ALK: variants seen among roughly 807,000 people sequenced by gnomAD.
ALK encodes the protein ALK receptor tyrosine kinase.
ALK carries 74 observed loss-of-function variants against 163.1 expected under a neutral mutation model. That is an observed-to-expected ratio of 0.45 (90% CI 0.38 to 0.55). The LOEUF (loss-of-function observed/expected upper bound fraction) is 0.55, where lower values mean the gene tolerates loss of function less well. Ranked by LOEUF, ALK falls within the 20% of genes least tolerant of loss-of-function variation. ALK has a pLI of 0.00. For synonymous variants in ALK, 960 were observed against 843.2 expected, an observed-to-expected ratio of 1.14 and a Z score of -2.40; for missense variants, 2,063 against 2,105.3, an observed-to-expected ratio of 0.98 and a Z score of 0.39.
At chr2:29,257,176 C>T (rs569537600) in intron 11 of ALK, among the ~76,000 whole-genome samples, 32 of 151,966 alleles carry the variant, frequency 2.1e-4, no homozygotes, top group Admixed American at 1.5e-3. Context: ...AGAGGAGGGA[C>T]GTCACCTGCC....
chr2:29,252,174 C>A (rs1339120095), intron 11 of ALK, among the ~76,000 whole-genome samples: 2 of 145,390 alleles, frequency 1.4e-5, no homozygotes, highest in African/African-American at 5.0e-5. Flanking sequence ...AACTGCACCC[C>A]CCCACCCCCC....
At chr2:29,767,428 A>C (rs1680894362) in intron 1 of ALK, among the ~76,000 whole-genome samples, 1 of 152,184 alleles carries the variant, frequency 6.6e-6, no homozygotes, top group African/African-American at 2.4e-5. Flanking sequence ...AAAAATGAAA[A>C]ATCTCATGTC....
chr2:29,783,377 A>G (rs528761822), intron 1 of ALK, among the ~76,000 whole-genome samples: 3 of 152,326 alleles, frequency 2.0e-5, no homozygotes, highest in East Asian at 1.9e-4. Flanking sequence ...GGACCAAGAA[A>G]AGAGAACACA....
At chr2:29,884,605 T>C (rs1666944805) in intron 1 of ALK, among the ~76,000 whole-genome samples, 1 of 152,190 alleles carries the variant, frequency 6.6e-6, no homozygotes, top group Admixed American at 6.5e-5. Context: ...GCCATACCTA[T>C]AGAGTCTAAT....
intron 4 of ALK, among the ~76,000 whole-genome samples, chr2:29,504,275 G>A (rs544893313): frequency 2.0e-5 from 3 of 152,256 alleles, no homozygotes; most frequent in Admixed American, 6.5e-5. Flanking sequence ...GTGAGAGAAG[G>A]TCAGAGAGGT....
intron 1 of ALK, among the ~76,000 whole-genome samples, chr2:29,918,228 C>G (rs1335210007): frequency 6.6e-6 from 1 of 152,208 alleles, no homozygotes; most frequent in African/African-American, 2.4e-5. Context: ...CTGACAACAG[C>G]TGATACAGAC....
chr2:29,816,367 G>A (rs140094970), intron 1 of ALK, among the ~76,000 whole-genome samples: 5 of 152,170 alleles, frequency 3.3e-5, no homozygotes, highest in East Asian at 1.9e-4. Context: ...TTGTTGCATC[G>A]ATGAGATACT....
chr2:29,457,482 G>A (rs1670984092), intron 4 of ALK, among the ~76,000 whole-genome samples: 1 of 152,086 alleles, frequency 6.6e-6, no homozygotes, highest in African/African-American at 2.4e-5. Flanking sequence ...CTCTGTGTAT[G>A]GACAGGTTTC....
At chr2:29,317,858 A>C (rs767222217) in intron 8 of ALK, among the ~76,000 whole-genome samples, 1 of 152,210 alleles carries the variant, frequency 6.6e-6, no homozygotes, top group African/African-American at 2.4e-5. Flanking sequence ...ACCATTTGAG[A>C]GAGTAGTTTT....
chr2:29,570,062 A>G (rs1425548229), intron 3 of ALK, among the ~76,000 whole-genome samples: 1 of 152,178 alleles, frequency 6.6e-6, no homozygotes, highest in East Asian at 1.9e-4. Flanking sequence ...CAACTAGCAA[A>G]GTCTCCTTAA....
chr2:29,565,077 G>A lies in ALK; in HGVS notation c.953-32961C>T, dbSNP rs77692958. Reference sequence around the variant, plus strand: ...CCAATTGCCTACTCTGTACAGACACGGAGCTGGAGAAGGGACTAATGTACA... The same window carrying A: ...CCAATTGCCTACTCTGTACAGACACAGAGCTGGAGAAGGGACTAATGTACA... On this transcript the variant is annotated intron_variant, in intron 3 of 28. Coordinates refer to ENST00000389048, the MANE Select transcript of ALK (RefSeq NM_004304.5). 1.6e-3 allele frequency among the ~76,000 whole-genome samples: 247 copies of A among 152,338 alleles called. 3 individuals are homozygous for A. The East Asian group carries it at 0.043, about 26-fold the overall frequency.
intron 4 of ALK, among the ~76,000 whole-genome samples, chr2:29,442,532 C>T (rs1670571735): frequency 6.6e-6 from 1 of 152,146 alleles, no homozygotes. Context: ...TGGCGATCTT[C>T]AATATTCTCC....
chr2:29,811,949 G>A (rs1664771276), intron 1 of ALK, among the ~76,000 whole-genome samples: 1 of 152,202 alleles, frequency 6.6e-6, no homozygotes, highest in South Asian at 2.1e-4. Context: ...GGCATAGAGG[G>A]TGCAAGGGGC....
intron 8 of ALK, among the ~76,000 whole-genome samples, chr2:29,305,075 G>A (rs1369747475): frequency 6.6e-6 from 1 of 152,178 alleles, no homozygotes; most frequent in Non-Finnish European, 1.5e-5. Context: ...CTGGGGAGCT[G>A]GGTTACTTAG....
At chr2:29,600,785 T>C (rs1675361024) in intron 3 of ALK, among the ~76,000 whole-genome samples, 1 of 152,002 alleles carries the variant, frequency 6.6e-6, no homozygotes, top group Non-Finnish European at 1.5e-5. Context: ...GCATAAACAG[T>C]AGAAGAGGTA....
chr2:29,561,840 G>A (rs947254011), intron 3 of ALK, among the ~76,000 whole-genome samples: 1 of 152,158 alleles, frequency 6.6e-6, no homozygotes. Context: ...GGGGGGTAGT[G>A]GTGGTGGTTA....
At chr2:29,871,681 T>C (rs1236579775) in intron 1 of ALK, among the ~76,000 whole-genome samples, 1 of 152,202 alleles carries the variant, frequency 6.6e-6, no homozygotes, top group Non-Finnish European at 1.5e-5. Context: ...TGGTTGCTAC[T>C]AATATCACAT....
intron 1 of ALK, among the ~76,000 whole-genome samples, chr2:29,789,347 A>G (rs1441705734): frequency 6.6e-6 from 1 of 152,190 alleles, no homozygotes; most frequent in Non-Finnish European, 1.5e-5. Context: ...TAATGACCAC[A>G]CTTAGCCAAC....
At chr2:29,317,768 G>T (rs1364572587) in intron 8 of ALK, among the ~76,000 whole-genome samples, 1 of 152,002 alleles carries the variant, frequency 6.6e-6, no homozygotes, top group Non-Finnish European at 1.5e-5. Context: ...ACATTTCTTG[G>T]CCCCTAAAGA....
Sources: gnomAD v4.1 joint callset for allele counts (sites outside exome capture counted in the v4.1 genomes callset) on GRCh38, gnomAD v4.1.1 for gene constraint, MANE v1.5 for transcripts, NCBI Gene and HGNC (gene_info 2026-07-23, HGNC 2026-07-21) for gene names.